The following WDR97 variants were observed in gnomAD, a reference collection of about 807,000 sequenced individuals.
WDR97 encodes WD repeat domain 97.
In WDR97, 111 loss-of-function variants were observed where a neutral mutation model predicts 65.4. The observed-to-expected ratio is 1.70, with a 90% CI of 1.45 to 1.99. The LOEUF (loss-of-function observed/expected upper bound fraction) is 1.99, where lower values mean the gene tolerates loss of function less well. Among genes scored for constraint, WDR97 ranks in the 30% most tolerant of loss-of-function variants. WDR97 has a pLI of 0.00. For synonymous variants in WDR97, 802 were observed against 397.7 expected, an observed-to-expected ratio of 2.02 and a Z score of -12.10; for missense variants, 1,674 against 865.0, an observed-to-expected ratio of 1.94 and a Z score of -11.73.
chr8:144,116,208 C>T lies in WDR97; in HGVS notation c.4784C>T (p.Pro1595Leu), dbSNP rs1467305862. ...QPFPLDWPMP[P>L]RPLPPRLLQP... ...TTCCCCCTGGACTGGCCTATGCCCC[C>T]GCGCCCGCTGCCCCCGCGGCTCCTG... Residue 1595 changes from proline to leucine, a missense_variant, in exon 24 of 24, where the codon CCG becomes CTG. Physicochemically the swap from Pro to Leu is moderately conservative, Grantham distance 98 (BLOSUM62 -3). Coordinates refer to ENST00000323662, the MANE Select transcript of WDR97 (RefSeq NM_001316309.2). 5.8e-6 allele frequency: 4 copies of T among 688,678 alleles called. No individual in the cohort carries two copies. The highest frequency in any genetic ancestry group is 1.1e-5 in the Non-Finnish European group (4 of 377,806). 42.7% of individuals were successfully genotyped at this position (688,678 alleles called of 1,614,324 possible). A position where few individuals can be genotyped will look rare whatever the true frequency, so the allele number is the denominator to read the frequency against.
rs1205384456 is a variant in WDR97, at chr8:144,110,919, G to C, written c.2227G>C (p.Asp743His). 1 of 702,728 alleles carries C rather than the reference G, an allele frequency of 1.4e-6. No individual in the cohort carries two copies. Among genetic ancestry groups the C allele is most frequent in the African/African-American group, 1.7e-5 (1 of 57,238 alleles). 43.5% of individuals were successfully genotyped at this position (702,728 alleles called of 1,614,324 possible). Residue 743 changes from aspartate to histidine, a missense_variant, in exon 9 of 24, where the codon GAC (aspartate) becomes CAC (histidine). Asp to His is a moderately conservative substitution (Grantham distance 81). Coordinates refer to ENST00000323662, the MANE Select transcript of WDR97 (RefSeq NM_001316309.2). ...QALAFCSNSG[D>H]LVLALGSRLC... is the part of the protein sequence containing the mutation. Reference sequence around the variant, plus strand: ...CCTGGCTTTCTGCAGCAACAGTGGAGACCTGGTGCTGGCGCTGGGATCCCG... The same window carrying C: ...CCTGGCTTTCTGCAGCAACAGTGGACACCTGGTGCTGGCGCTGGGATCCCG...
At chr8:144,108,262 T>G in intron 2 of WDR97, 54 bp from the exon 3 acceptor site, 1 of 693,692 alleles carries the variant, frequency 1.4e-6, no homozygotes, top group Middle Eastern at 2.3e-4. Flanking sequence ...AGGGGTCCCC[T>G]AGGCCGGAGT....
rs1836455867 is a variant in WDR97, at chr8:144,108,150, GC to G, written c.205del (p.Leu69CysfsTer26). The G allele has an allele frequency of 1.4e-6, 1 of 702,248 alleles. No homozygotes were observed. Among genetic ancestry groups the G allele is most frequent in the Admixed American group, 2.0e-5 (1 of 49,984 alleles). The allele number at this position is 702,248 out of a possible 1,614,324, so 43.5% of individuals were successfully genotyped here. A position where few individuals can be genotyped will look rare whatever the true frequency, so the allele number is the denominator to read the frequency against. ...TGACCCCGCGCGCCCGCGCCCGCCG[GC>G]TGTGGCTGCTTCTGCGCACCAGCCT... The part of the protein sequence containing the change: ...SLTPRARARR[L>X]WLLLRTSLHE... On this transcript the variant is annotated frameshift_variant, in exon 2 of 24. Transcript: ENST00000323662. LOFTEE classifies it high-confidence loss of function.
Position 144,115,444 on chromosome 8 carries a change from C to T in WDR97, c.4181C>T (p.Ser1394Leu). 4.4e-6 allele frequency: 3 copies of T among 689,450 alleles called. No homozygotes were observed. Among genetic ancestry groups the T allele is most frequent in the South Asian group, 3.0e-5 (2 of 66,960 alleles). The allele number at this position is 689,450 out of a possible 1,614,324, so 42.7% of individuals were successfully genotyped here. A position where few individuals can be genotyped will look rare whatever the true frequency, so the allele number is the denominator to read the frequency against. Residue 1394 changes from serine to leucine, a missense_variant, in exon 22 of 24, where the codon TCG becomes TTG. Physicochemically the swap from Ser to Leu is moderately radical, Grantham distance 145. Transcript: ENST00000323662. ...WSASGIFGRL[S>L]QVSEVPLMVV... Reference sequence around the variant, plus strand: ...GCCTCCGGCATCTTCGGGAGGCTCTCGCAGGTCTCAGAGGTGCCTTTGATG... The same window carrying T: ...GCCTCCGGCATCTTCGGGAGGCTCTTGCAGGTCTCAGAGGTGCCTTTGATG...
In WDR97 at chr8:144,111,448, C is replaced by T. The variant is rs757298417; in HGVS notation, c.2449C>T (p.Arg817Cys). The T allele has an allele frequency of 4.3e-6, 3 of 702,668 alleles. No individual in the cohort carries two copies. Among genetic ancestry groups the T allele is most frequent in the African/African-American group, 3.5e-5 (2 of 57,248 alleles). The allele number at this position is 702,668 out of a possible 1,614,324, so 43.5% of individuals were successfully genotyped here. A position where few individuals can be genotyped will look rare whatever the true frequency, so the allele number is the denominator to read the frequency against. ...CAGCGAGGCCTTGTCTCTCATCCAT[C>T]GTCGGAGGGCAACATCTCAGCACCT... is the stretch of plus-strand genomic sequence containing the variant. ...SLSEALSLIH[R>C]RRATSQHLVP... is the part of the protein sequence containing the mutation. The change falls in exon 11 of 24, where the codon CGT (arginine) becomes TGT (cysteine). Residue 817 changes from arginine (R) to cysteine (C), a missense_variant. Physicochemically the swap from Arg to Cys is radical, Grantham distance 180 (BLOSUM62 -3). Transcript: ENST00000323662.
In WDR97 at chr8:144,108,196, G is replaced by A; in HGVS notation, c.249+1G>A. The A allele has an allele frequency of 1.4e-6, 1 of 701,140 alleles. No homozygotes were observed. Among genetic ancestry groups the A allele is most frequent in the Non-Finnish European group, 2.6e-6 (1 of 383,922 alleles). The allele number at this position is 701,140 out of a possible 1,614,324, so 43.4% of individuals were successfully genotyped here. A position where few individuals can be genotyped will look rare whatever the true frequency, so the allele number is the denominator to read the frequency against. On this transcript the variant is annotated splice_donor_variant, in intron 2 of 23. Coordinates refer to ENST00000323662, the MANE Select transcript of WDR97 (RefSeq NM_001316309.2). LOFTEE classifies it high-confidence loss of function. The stretch of plus-strand genomic sequence containing the variant: ...CAGCCTCCACGAAGTCGTGGAAAAG[G>A]TGCGGTGTGCCTGTCCTGCGCCTCC...
rs564376649 is a variant in WDR97, at chr8:144,111,393, C to T, written c.2427-33C>T. 7.1e-6 allele frequency: 5 copies of T among 702,836 alleles called. No homozygotes were observed. The South Asian group carries it at 7.4e-5, about 10-fold the overall frequency. 43.5% of individuals were successfully genotyped at this position (702,836 alleles called of 1,614,324 possible). A position where few individuals can be genotyped will look rare whatever the true frequency, so the allele number is the denominator to read the frequency against. The stretch of plus-strand genomic sequence containing the variant: ...TGCCCCAGCCCACTGGCATGCCACC[C>T]AGCATCCCACCTGTGCCTGTCCCTG... On this transcript the variant is annotated intron_variant, in intron 10 of 23. Transcript: ENST00000323662.
chr8:144,109,948 C>T lies in WDR97; in HGVS notation c.1614C>T (p.Gly538=), dbSNP rs1280777609. ...HLYSHLTDLE[G]AFSSWEIVRQ... ...ACAGCCACCTCACGGATCTCGAAGG[C>T]GCCTTCTCCTCCTGGGAGATCGTGC... The change falls in exon 5 of 24, where the codon GGC becomes GGT. Residue 538 remains glycine, a synonymous_variant. Transcript: ENST00000323662. 10 of 702,174 alleles carry T rather than the reference C, an allele frequency of 1.4e-5. No individual in the cohort carries two copies. The highest frequency in any genetic ancestry group is 1.0e-4 in the South Asian group (7 of 67,566). The allele number at this position is 702,174 out of a possible 1,614,324, so 43.5% of individuals were successfully genotyped here.
chr8:144,108,282 C>G (rs1032374369), intron 2 of WDR97, 34 bp from the exon 3 acceptor site: 4 of 691,464 alleles, frequency 5.8e-6, no homozygotes, highest in Admixed American at 4.3e-5. Flanking sequence ...TAGCCCCAAC[C>G]TTTGATTGCG....
In WDR97 at chr8:144,111,768, GCTCTGGCCTGCTGGTAGGTGTAGGGC is replaced by G. The variant is rs1836554985; in HGVS notation, c.2628_2637+16del. ...GACAATTACCTCCGTCTGATCTACGGCTCTGGCCTGCTGGTAGGTGTAGGGCCTCCCCCAGCCCAGCCCTGACCCTG... is the reference window on the plus strand; with the variant it reads ...GACAATTACCTCCGTCTGATCTACGGCTCCCCCAGCCCAGCCCTGACCCTG... On this transcript the variant is annotated splice_donor_variant and splice_donor_5th_base_variant and coding_sequence_variant and intron_variant, in exon 12 of 24. Coordinates refer to ENST00000323662, the MANE Select transcript of WDR97 (RefSeq NM_001316309.2). LOFTEE classifies it high-confidence loss of function. The G allele has an allele frequency of 8.7e-6, 6 of 686,646 alleles. No individual in the cohort carries two copies. The East Asian group carries it at 1.6e-4, about 19-fold the overall frequency. The allele number at this position is 686,646 out of a possible 1,614,324, so 42.5% of individuals were successfully genotyped here.
rs955479043 is a variant in WDR97 at position 144,116,417 on chromosome 8, C to G, written c.*124C>G. The G allele has an allele frequency of 5.4e-6, 3 of 555,894 alleles. No individual in the cohort carries two copies. The highest frequency in any genetic ancestry group is 2.0e-5 in the African/African-American group (1 of 50,612). 34.4% of individuals were successfully genotyped at this position (555,894 alleles called of 1,614,324 possible). ...GGATGCCGCCTGCTTTGGAGGGCCC[C>G]GGGGTGCGCACGGCGTGTGGGCGTG... On this transcript the variant is annotated 3_prime_UTR_variant, in exon 24 of 24. Coordinates refer to ENST00000323662, the MANE Select transcript of WDR97 (RefSeq NM_001316309.2).
chr8:144,110,180 T>G lies in WDR97; in HGVS notation c.1767T>G (p.Thr589=), dbSNP rs541984381. Residue 589 remains threonine, a synonymous_variant, in exon 6 of 24, where the codon ACT becomes ACG. Transcript: ENST00000323662. Reference sequence around the variant, plus strand: ...TGCTGGAGTGGCTCTCGTCGAAGACTGTCTTCCAAACGGAGGCGCACAGCC... The same window carrying G: ...TGCTGGAGTGGCTCTCGTCGAAGACGGTCTTCCAAACGGAGGCGCACAGCC... The part of the protein sequence containing the change: ...LSVLEWLSSK[T]VFQTEAHSPG... The G allele has an allele frequency of 1.0e-3, 719 of 702,884 alleles. 3 individuals carry two copies. The African/African-American group carries it at 0.012, about 11-fold the overall frequency. The allele number at this position is 702,884 out of a possible 1,614,324, so 43.5% of individuals were successfully genotyped here.
Position 144,108,840 on chromosome 8 carries a change from T to G in WDR97, c.774T>G (p.Pro258=). 1.4e-6 allele frequency: 1 copy of G among 702,836 alleles called. No homozygotes were observed. The highest frequency in any genetic ancestry group is 2.6e-6 in the Non-Finnish European group (1 of 384,958). The allele number at this position is 702,836 out of a possible 1,614,324, so 43.5% of individuals were successfully genotyped here. ...RLMRLAVAPV[P]PHHVLRCFAA... is the part of the protein sequence containing the mutation. ...TGCGTCTGGCTGTGGCGCCGGTTCC[T>G]CCCCACCACGTCCTGCGCTGCTTCG... Residue 258 remains proline, a synonymous_variant, in exon 3 of 24, where the codon CCT becomes CCG. Transcript: ENST00000323662.
In WDR97 at chr8:144,113,734, A is replaced by G. The variant is rs1049315789; in HGVS notation, c.3261A>G (p.Gln1087=). ...SQTQWQRKLL[Q]WMGEKPGEEG... ...CCCAGTGGCAGAGGAAGCTGCTCCA[A>G]TGGATGGGGGAGAAGCCTGGGGAGG... Residue 1087 remains glutamine (Q), a synonymous_variant, in exon 17 of 24, where the codon CAA becomes CAG. Coordinates refer to ENST00000323662, the MANE Select transcript of WDR97 (RefSeq NM_001316309.2). The G allele has an allele frequency of 1.4e-5, 10 of 697,600 alleles. No individual in the cohort carries two copies. The highest frequency in any genetic ancestry group is 2.1e-5 in the Non-Finnish European group (8 of 382,112). 43.2% of individuals were successfully genotyped at this position (697,600 alleles called of 1,614,324 possible). A position where few individuals can be genotyped will look rare whatever the true frequency, so the allele number is the denominator to read the frequency against.
At chr8:144,115,053 G>A in intron 21 of WDR97, 142 bp downstream of exon 21, 1 of 602,294 alleles carries the variant, frequency 1.7e-6, no homozygotes, top group South Asian at 2.0e-5. Flanking sequence ...TCCCTGCCCT[G>A]AGCATCTCTA....
At position 144,109,899 on chromosome 8, in the gene WDR97, C is replaced by T. The variant is rs1481315607; in HGVS notation, c.1565C>T (p.Pro522Leu). 2.9e-6 allele frequency: 2 copies of T among 701,728 alleles called. No individual in the cohort carries two copies. The highest frequency in any genetic ancestry group is 1.5e-5 in the South Asian group (1 of 67,570). 43.5% of individuals were successfully genotyped at this position (701,728 alleles called of 1,614,324 possible). The change falls in exon 5 of 24, where the codon CCG becomes CTG. Residue 522 changes from proline (P) to leucine (L), a missense_variant. Physicochemically the swap from Pro to Leu is moderately conservative, Grantham distance 98 (BLOSUM62 -3). Transcript: ENST00000323662. ...HRVCPPPPPA[P>L]QPCCLHLYSH... is the part of the protein sequence containing the mutation. ...GTGTGCCCGCCGCCGCCCCCTGCGC[C>T]GCAGCCTTGCTGTCTGCACCTGTAC... is the stretch of plus-strand genomic sequence containing the variant.
rs151225651 is a variant in WDR97, at chr8:144,109,016, G to A, written c.879-33G>A. On this transcript the variant is annotated intron_variant, in intron 3 of 23. Coordinates refer to ENST00000323662, the MANE Select transcript of WDR97 (RefSeq NM_001316309.2). The stretch of plus-strand genomic sequence containing the variant: ...GCCCTCACACACAAGGCGATGTTAA[G>A]TCCATTGGGATTCTCCCATTCCCCA... 618 of 703,158 alleles carry A rather than the reference G, an allele frequency of 8.8e-4. 2 individuals carry two copies. The African/African-American group carries it at 9.4e-3, about 11-fold the overall frequency. 43.6% of individuals were successfully genotyped at this position (703,158 alleles called of 1,614,324 possible).
At chr8:144,110,063 C>A (rs1400234745) in intron 5 of WDR97, 29 bp downstream of exon 5, 3 of 695,422 alleles carry the variant, frequency 4.3e-6, no homozygotes, top group Non-Finnish European at 7.9e-6. Flanking sequence ...GAGGGTCTGG[C>A]GGGCGGAAGG....
chr8:144,110,036 TGG>T lies in WDR97; in HGVS notation c.1700+4_1700+5del. 1.4e-6 allele frequency: 1 copy of T among 695,866 alleles called. No homozygotes were observed. The highest frequency in any genetic ancestry group is 1.5e-5 in the South Asian group (1 of 67,130). The allele number at this position is 695,866 out of a possible 1,614,324, so 43.1% of individuals were successfully genotyped here. A position where few individuals can be genotyped will look rare whatever the true frequency, so the allele number is the denominator to read the frequency against. On this transcript the variant is annotated splice_donor_region_variant and intron_variant, in intron 5 of 23. Coordinates refer to ENST00000323662, the MANE Select transcript of WDR97 (RefSeq NM_001316309.2). ...CTGCGCCTGGAAGAACAAGAACCGG[TGG>T]GTGCGGGAGCCGGCGAGGGTCTGGC...
Sources: allele counts gnomAD v4.1 joint callset, GRCh38; gene constraint gnomAD v4.1.1; transcripts MANE v1.5; gene names NCBI Gene and HGNC (gene_info 2026-07-23, HGNC 2026-07-21).